The following DDAH1 variants were observed in gnomAD, a reference collection of about 807,000 sequenced individuals.
The protein encoded by DDAH1 is dimethylarginine dimethylaminohydrolase 1.
A neutral mutation model predicts 28.8 loss-of-function variants in DDAH1; 19 were observed. The observed-to-expected ratio is 0.66, with a 90% CI of 0.46 to 0.97. The LOEUF is 0.97. Ranked by LOEUF, DDAH1 falls within the 50% of genes least tolerant of loss-of-function variation. The pLI is 0.00. For synonymous variants in DDAH1, 153 were observed against 154.4 expected (o/e 0.99, Z 0.07); for missense variants, 326 against 375.9 (o/e 0.87, Z 1.10).
intron 4 of DDAH1, among the ~76,000 whole-genome samples, chr1:85,349,152 A>G (rs1257401513): frequency 1.3e-5 from 2 of 152,246 alleles, no homozygotes; most frequent in African/African-American, 4.8e-5. Flanking sequence ...GAACTTCCAG[A>G]TGGAGCAGAA....
intron 1 of DDAH1, among the ~76,000 whole-genome samples, chr1:85,523,201 G>A (rs1358487052): frequency 1.3e-5 from 2 of 152,152 alleles, no homozygotes; most frequent in East Asian, 1.9e-4. Flanking sequence ...GGAATACCTG[G>A]AAGAGATCAG....
rs1471866730 is a variant in DDAH1 at position 85,464,938 on chromosome 1, C to G, written c.108G>C (p.Glu36Asp). ...GTTCCGCGCGGGCGACGTCCACCTC[C>G]TCGCCCTTGGCGCTTCTCAGCGCGT... ...GQHALRSAKG[E>D]EVDVARAERQ... is the part of the protein sequence containing the mutation. Residue 36 changes from glutamate (E) to aspartate (D), a missense_variant, in exon 1 of 6, where the codon GAG becomes GAC. By Grantham distance (45) the Glu-to-Asp change is conservative. Transcript: ENST00000284031. This position sits in a 1 kb window ranked among gnomAD's most constrained non-coding sequence, Gnocchi z 4.4. 6.5e-7 allele frequency: 1 copy of G among 1,536,340 alleles called. No individual in the cohort carries two copies. The highest frequency in any genetic ancestry group is 8.7e-7 in the Non-Finnish European group (1 of 1,152,112).
chr1:85,327,515 A>G (rs1647482997), intron 4 of DDAH1, among the ~76,000 whole-genome samples: 1 of 152,150 alleles, frequency 6.6e-6, no homozygotes, highest in African/African-American at 2.4e-5. Flanking sequence ...ATAAGGACAA[A>G]TTTTACTATG....
At chr1:85,458,017 T>C (rs1427859695) in intron 1 of DDAH1, among the ~76,000 whole-genome samples, 2 of 152,090 alleles carry the variant, frequency 1.3e-5, no homozygotes, top group East Asian at 3.9e-4. Flanking sequence ...AGGCAAAGGT[T>C]TACTTACACA....
intron 1 of DDAH1, among the ~76,000 whole-genome samples, chr1:85,383,224 A>T (rs758465431): frequency 2.2e-4 from 33 of 152,228 alleles, no homozygotes; most frequent in Admixed American, 1.6e-3. Context: ...GATTCATGGG[A>T]GGAGGTCAAA....
intron 1 of DDAH1, among the ~76,000 whole-genome samples, chr1:85,367,779 A>G (rs1650151243): frequency 6.6e-6 from 1 of 152,168 alleles, no homozygotes; most frequent in African/African-American, 2.4e-5. Flanking sequence ...TGTACCTGGA[A>G]CTGGTGAGAA....
At chr1:85,409,361 G>T (rs1652542028) in intron 1 of DDAH1, among the ~76,000 whole-genome samples, 1 of 152,130 alleles carries the variant, frequency 6.6e-6, no homozygotes, top group Admixed American at 6.5e-5. Context: ...CAAAGAGAAA[G>T]ATCTGATCAT....
chr1:85,530,981 ACT>A (rs1348895946), intron 1 of DDAH1, among the ~76,000 whole-genome samples: 1 of 109,580 alleles, frequency 9.1e-6, no homozygotes, highest in African/African-American at 3.5e-5. Context: ...ATAGAGTGAG[ACT>A]CTGTCTCAAA....
chr1:85,481,098 G>GGTTTTTTTTTTT (rs1442100920), intron 2 of DDAH1, among the ~76,000 whole-genome samples: 1 of 113,458 alleles, frequency 8.8e-6, no homozygotes, highest in Non-Finnish European at 1.8e-5. Context: ...TGGGTTTTTT[G>GGTTTTTTTTTTT]TTTTTTTTTT....
chr1:85,366,408 TTGGATTTCC>T (rs1650079199), intron 1 of DDAH1, among the ~76,000 whole-genome samples: 1 of 151,932 alleles, frequency 6.6e-6, no homozygotes, highest in Admixed American at 6.6e-5. Flanking sequence ...CATTGATTTC[TTGGATTTCC>T]AAACATATGG....
At chr1:85,343,466 T>C (rs936813896) in intron 4 of DDAH1, among the ~76,000 whole-genome samples, 1 of 152,136 alleles carries the variant, frequency 6.6e-6, no homozygotes, top group African/African-American at 2.4e-5. Flanking sequence ...TGTTTTAATT[T>C]CTTAATACAC....
At chr1:85,341,847 A>AC (rs1341402111) in intron 4 of DDAH1, among the ~76,000 whole-genome samples, 5 of 151,946 alleles carry the variant, frequency 3.3e-5, no homozygotes, top group Non-Finnish European at 2.9e-5. Flanking sequence ...AAAAACAAAA[A>AC]AAAACCCCAG....
chr1:85,575,218 C>G (rs1287613981), intron 1 of DDAH1, among the ~76,000 whole-genome samples: 3 of 152,092 alleles, frequency 2.0e-5, no homozygotes, highest in African/African-American at 4.8e-5. Flanking sequence ...GTGACAGAAC[C>G]AGACCATGTT....
At chr1:85,513,034 C>T (rs1657304198) in intron 1 of DDAH1, among the ~76,000 whole-genome samples, 1 of 152,146 alleles carries the variant, frequency 6.6e-6, no homozygotes, top group Admixed American at 6.5e-5. Context: ...AAAGAGCCTG[C>T]ACTGCCAAGA....
intron 1 of DDAH1, among the ~76,000 whole-genome samples, chr1:85,463,014 G>C (rs77834831): frequency 7.9e-5 from 12 of 152,300 alleles, no homozygotes; most frequent in African/African-American, 2.9e-4. Context: ...TTGTGAAACA[G>C]GTATTATTAT....
chr1:85,361,090 C>A (rs1367687250), intron 1 of DDAH1, among the ~76,000 whole-genome samples: 1 of 152,140 alleles, frequency 6.6e-6, no homozygotes, highest in Non-Finnish European at 1.5e-5. Context: ...ATCGGCAATG[C>A]TAAACTGAGG....
chr1:85,468,734 G>T (rs1044407170), upstream of DDAH1, among the ~76,000 whole-genome samples: 1 of 151,956 alleles, frequency 6.6e-6, no homozygotes, highest in Non-Finnish European at 1.5e-5. Flanking sequence ...TAGCCAGGAA[G>T]GTCTCGATCT....
intron 1 of DDAH1, among the ~76,000 whole-genome samples, chr1:85,562,892 T>C (rs1050194566): frequency 1.3e-5 from 2 of 152,176 alleles, no homozygotes; most frequent in Admixed American, 1.3e-4. Context: ...AAAATTCCAA[T>C]GGCAGGACTT....
intron 1 of DDAH1, among the ~76,000 whole-genome samples, chr1:85,379,159 T>G (rs1055095503): frequency 2.0e-5 from 3 of 152,208 alleles, no homozygotes; most frequent in Non-Finnish European, 4.4e-5. Flanking sequence ...AGTGGCCTTA[T>G]AGAGAATTAT....
Sources: gnomAD v4.1 joint callset for allele counts (sites outside exome capture counted in the v4.1 genomes callset) on GRCh38, gnomAD v4.1.1 for gene constraint, Gnocchi (gnomAD v3.1) non-coding constraint, MANE v1.5 for transcripts, NCBI Gene and HGNC (gene_info 2026-07-23, HGNC 2026-07-21) for gene names.